Variants in FGFR2 observed in about 807,000 individuals in gnomAD.
FGFR2 encodes the protein BEK fibroblast growth factor receptor.
A neutral mutation model predicts 95.9 loss-of-function variants in FGFR2; 19 were observed. The observed-to-expected ratio is 0.20, with a 90% CI of 0.14 to 0.29. FGFR2 has a LOEUF of 0.29. Ranked by LOEUF, FGFR2 falls within the 10% of genes least tolerant of loss-of-function variation. The pLI, the probability that FGFR2 is intolerant of heterozygous loss-of-function variation, is 1.00. For missense variants in FGFR2, 707 were observed against 1,056.9 expected (o/e 0.67, Z 4.59); for synonymous variants, 392 against 393.3 (o/e 1.00, Z 0.04).
Position 121,556,135 on chromosome 10 carries a change from CGGAT to C in FGFR2, c.455-4680_455-4677del, listed in dbSNP as rs199711702. On this transcript the variant is annotated intron_variant, in intron 4 of 17. Transcript: ENST00000358487. ...ATGGATGGATGGATGGATGGACGGACGGATGGATGGACGGATGGATGACTATTAA... is the reference window on the plus strand; with the variant it reads ...ATGGATGGATGGATGGATGGACGGACGGATGGACGGATGGATGACTATTAA... Among the ~76,000 whole-genome samples the C allele has an allele frequency of 5.9e-3, 901 of 151,976 alleles. 8 individuals are homozygous for C. The highest frequency in any genetic ancestry group is 0.021 in the African/African-American group (857 of 41,452).
In FGFR2 at chr10:121,479,394, T is replaced by A; in HGVS notation, c.*463A>T. 3.0e-6 allele frequency: 1 copy of A among 330,756 alleles called. No individual in the cohort carries two copies. The highest frequency in any genetic ancestry group is 5.3e-6 in the Non-Finnish European group (1 of 188,296). The allele number at this position is 330,756 out of a possible 1,614,324, so 20.5% of individuals were successfully genotyped here. On this transcript the variant is annotated 3_prime_UTR_variant, in exon 18 of 18. Coordinates refer to ENST00000358487, the MANE Select transcript of FGFR2 (RefSeq NM_000141.5). ...TTTTCTAGGTGCATTGGGACATCCA[T>A]TTAAAATCAATACAAAAAATAACTC... is the stretch of plus-strand genomic sequence containing the variant.
chr10:121,573,105 G>A (rs912130497), intron 2 of FGFR2, among the ~76,000 whole-genome samples: 11 of 152,212 alleles, frequency 7.2e-5, no homozygotes, highest in African/African-American at 2.2e-4. Context: ...CCAAACCAGC[G>A]ATAGCAGCAC....
chr10:121,513,570 A>G (rs1169392964), intron 9 of FGFR2, among the ~76,000 whole-genome samples: 1 of 152,134 alleles, frequency 6.6e-6, no homozygotes, highest in Non-Finnish European at 1.5e-5. Context: ...TCCCTATTAG[A>G]AAAAAAATAA....
intron 2 of FGFR2, among the ~76,000 whole-genome samples, chr10:121,587,777 C>T (rs1862051105): frequency 1.3e-5 from 2 of 152,178 alleles, no homozygotes; most frequent in Admixed American, 1.3e-4. Context: ...AAAGGAAACA[C>T]TTATATACTG....
chr10:121,589,240 A>C (rs544190648), intron 2 of FGFR2, among the ~76,000 whole-genome samples: 1 of 152,326 alleles, frequency 6.6e-6, no homozygotes, highest in South Asian at 2.1e-4. Flanking sequence ...GCTAGATTAG[A>C]GGGAGTTTTT....
intron 2 of FGFR2, among the ~76,000 whole-genome samples, chr10:121,570,071 C>CCT (rs1564710088): frequency 6.6e-6 from 1 of 152,204 alleles, no homozygotes; most frequent in South Asian, 2.1e-4. Flanking sequence ...CACCCAGTGG[C>CCT]CCCCCAAGCC....
chr10:121,583,982 G>A (rs1861370923), intron 2 of FGFR2, among the ~76,000 whole-genome samples: 1 of 152,040 alleles, frequency 6.6e-6, no homozygotes, highest in African/African-American at 2.4e-5. Flanking sequence ...CTAGCACAGA[G>A]TCCAACCATG....
At chr10:121,525,240 G>A (rs1851198312) in intron 6 of FGFR2, among the ~76,000 whole-genome samples, 1 of 152,176 alleles carries the variant, frequency 6.6e-6, no homozygotes, top group Admixed American at 6.5e-5. Context: ...GGAACAAGAT[G>A]AGAACCTTCA....
chr10:121,512,758 G>C (rs752734274), intron 9 of FGFR2, among the ~76,000 whole-genome samples: 2 of 151,994 alleles, frequency 1.3e-5, no homozygotes, highest in Non-Finnish European at 2.9e-5. Flanking sequence ...CCCGCACTTA[G>C]TAAATTATGA....
intron 2 of FGFR2, among the ~76,000 whole-genome samples, chr10:121,593,258 C>T (rs964597482): frequency 1.3e-5 from 2 of 152,194 alleles, no homozygotes; most frequent in Non-Finnish European, 2.9e-5. Context: ...AACTTCTTTT[C>T]TCCTTAAACA....
chr10:121,481,471 C>T (rs1448350328), intron 17 of FGFR2, among the ~76,000 whole-genome samples: 1 of 152,042 alleles, frequency 6.6e-6, no homozygotes, highest in Non-Finnish European at 1.5e-5. Context: ...AGTCCCCATC[C>T]CAGCATCCCA....
intron 1 of FGFR2, among the ~76,000 whole-genome samples, chr10:121,597,163 C>T (rs1443578160): frequency 6.6e-6 from 1 of 152,230 alleles, no homozygotes; most frequent in Non-Finnish European, 1.5e-5. Context: ...CCGAGCGGGC[C>T]TCCTGCGCCA....
At chr10:121,535,883 C>T (rs1336853343) in intron 6 of FGFR2, among the ~76,000 whole-genome samples, 1 of 152,180 alleles carries the variant, frequency 6.6e-6, no homozygotes, top group East Asian at 1.9e-4. Flanking sequence ...ATGGGAATGC[C>T]TTTCCAAGGA....
At position 121,518,611 on chromosome 10, in the gene FGFR2, A is replaced by G; in HGVS notation, c.940-1148T>C. 6.3e-7 allele frequency: 1 copy of G among 1,588,126 alleles called. No homozygotes were observed. The highest frequency in any genetic ancestry group is 1.1e-5 in the South Asian group (1 of 89,728). On this transcript the variant is annotated intron_variant, in intron 7 of 17. Transcript: ENST00000358487. The surrounding 1 kb of genome is among the most constrained non-coding windows in gnomAD (Gnocchi z 4.0). ...CTATAAGCTGCCTGCAGTCTCCCAA[A>G]GCACCAAGTCTTTTCAGCTTCTATA... is the stretch of plus-strand genomic sequence containing the variant.
chr10:121,532,809 T>G (rs1045810830), intron 6 of FGFR2, among the ~76,000 whole-genome samples: 1 of 152,194 alleles, frequency 6.6e-6, no homozygotes, highest in Non-Finnish European at 1.5e-5. Context: ...GACGCTTCAT[T>G]CTTGAACACA....
At chr10:121,508,142 G>T (rs1489799940) in intron 9 of FGFR2, among the ~76,000 whole-genome samples, 1 of 152,184 alleles carries the variant, frequency 6.6e-6, no homozygotes, top group Non-Finnish European at 1.5e-5. Flanking sequence ...GGGGTTGTTA[G>T]AACCAATCCC....
intron 12 of FGFR2, among the ~76,000 whole-genome samples, chr10:121,498,150 A>G (rs551556822): frequency 1.3e-5 from 2 of 152,358 alleles, no homozygotes; most frequent in South Asian, 2.1e-4. Context: ...CAACCAAAAC[A>G]TAGGATCTTA....
intron 5 of FGFR2, among the ~76,000 whole-genome samples, chr10:121,541,046 T>C (rs1429580088): frequency 1.3e-5 from 2 of 152,174 alleles, no homozygotes; most frequent in Non-Finnish European, 2.9e-5. Flanking sequence ...TGGCATTCCA[T>C]ACAAGATCCC....
intron 2 of FGFR2, 132 bp downstream of exon 2, chr10:121,593,577 A>AAGAGACCACGATCTGGTGCTCTT (rs1408983987): frequency 1.6e-5 from 13 of 806,244 alleles, no homozygotes; most frequent in Non-Finnish European, 2.5e-5. Context: ...GCCGGGAGCC[A>AAGAGACCACGATCTGGTGCTCTT]AGAGACCACG....
Sources: gnomAD v4.1 joint callset for allele counts (sites outside exome capture counted in the v4.1 genomes callset) on GRCh38, gnomAD v4.1.1 for gene constraint, Gnocchi (gnomAD v3.1) non-coding constraint, MANE v1.5 for transcripts, NCBI Gene and HGNC (gene_info 2026-07-23, HGNC 2026-07-21) for gene names.